RNF220: variants seen among roughly 807,000 people sequenced by gnomAD.
RNF220 encodes E3 ubiquitin-protein ligase RNF220.
In RNF220, 7 loss-of-function variants were observed where a neutral mutation model predicts 67.1. The observed-to-expected ratio is 0.10, with a 90% CI of 0.06 to 0.20. RNF220 has a LOEUF of 0.20. Among genes scored for constraint, RNF220 ranks in the 10% least tolerant of loss-of-function variants. The pLI is 1.00. For missense variants in RNF220, 565 were observed against 740.3 expected (o/e 0.76, Z 2.75); for synonymous variants, 270 against 283.2 (o/e 0.95, Z 0.47).
intron 2 of RNF220, among the ~76,000 whole-genome samples, chr1:44,516,022 G>A (rs1208663299): frequency 6.6e-6 from 1 of 152,194 alleles, no homozygotes; most frequent in Non-Finnish European, 1.5e-5. Flanking sequence ...TCCCTTGAAT[G>A]TGATCTTAGC....
intron 2 of RNF220, among the ~76,000 whole-genome samples, chr1:44,563,411 G>A (rs1430520013): frequency 2.0e-5 from 3 of 152,172 alleles, no homozygotes; most frequent in Admixed American, 6.5e-5. Context: ...AGGGGGCCCC[G>A]CTTCCCTCCC....
At chr1:44,486,305 C>G (rs1008469419) in intron 2 of RNF220, among the ~76,000 whole-genome samples, 2 of 152,192 alleles carry the variant, frequency 1.3e-5, no homozygotes, top group African/African-American at 4.8e-5. Flanking sequence ...GCTGAGAGAG[C>G]TCAGAGGCTC....
chr1:44,573,345 A>G (rs1409603455), intron 2 of RNF220, among the ~76,000 whole-genome samples: 1 of 152,186 alleles, frequency 6.6e-6, no homozygotes, highest in African/African-American at 2.4e-5. Context: ...GGCCCTGCCC[A>G]TGGAATGCTG....
chr1:44,580,645 G>A (rs1390757105), intron 2 of RNF220, among the ~76,000 whole-genome samples: 1 of 152,238 alleles, frequency 6.6e-6, no homozygotes, highest in Non-Finnish European at 1.5e-5. Context: ...GGAGGTGTTT[G>A]GGCAGGCCAC....
intron 2 of RNF220, among the ~76,000 whole-genome samples, chr1:44,451,556 A>G (rs1000458553): frequency 1.3e-5 from 2 of 151,934 alleles, no homozygotes; most frequent in African/African-American, 4.8e-5. Context: ...TTCCTGGTCT[A>G]TTGCTGGTCT....
intron 2 of RNF220, among the ~76,000 whole-genome samples, chr1:44,597,824 C>T (rs1320911388): frequency 6.6e-6 from 1 of 152,142 alleles, no homozygotes; most frequent in Admixed American, 6.5e-5. Flanking sequence ...GTACACGCCT[C>T]CTCTTCCCGG....
At chr1:44,562,672 T>C (rs559589775) in intron 2 of RNF220, among the ~76,000 whole-genome samples, 1 of 152,168 alleles carries the variant, frequency 6.6e-6, no homozygotes, top group Admixed American at 6.5e-5. Context: ...CTGGAGGAAA[T>C]TGGAGCATGC....
chr1:44,478,735 G>A (rs1655515169), intron 2 of RNF220, among the ~76,000 whole-genome samples: 1 of 151,958 alleles, frequency 6.6e-6, no homozygotes. Flanking sequence ...AAAAAAGAGA[G>A]AGAGAGAAAT....
intron 2 of RNF220, among the ~76,000 whole-genome samples, chr1:44,613,127 G>A (rs1354802442): frequency 1.3e-5 from 2 of 149,722 alleles, no homozygotes; most frequent in African/African-American, 2.5e-5. Flanking sequence ...AGCATCCATG[G>A]ATATGCAGGG....
At chr1:44,407,575 G>C (rs376749174) in intron 1 of RNF220, among the ~76,000 whole-genome samples, 2 of 152,112 alleles carry the variant, frequency 1.3e-5, no homozygotes, top group African/African-American at 4.8e-5. Flanking sequence ...GGGCGGCGCC[G>C]CGTCGCGCCG....
intron 2 of RNF220, among the ~76,000 whole-genome samples, chr1:44,502,746 G>T (rs892924154): frequency 6.9e-6 from 1 of 144,116 alleles, no homozygotes; most frequent in Non-Finnish European, 1.5e-5. Context: ...AAAAACGTGT[G>T]AATTATTATT....
At chr1:44,545,813 A>G (rs949908028) in intron 2 of RNF220, among the ~76,000 whole-genome samples, 2 of 151,212 alleles carry the variant, frequency 1.3e-5, no homozygotes, top group Non-Finnish European at 2.9e-5. Flanking sequence ...CTGGAGTGCA[A>G]TGGCGCAAAC....
intron 2 of RNF220, among the ~76,000 whole-genome samples, chr1:44,434,525 G>A (rs1277683242): frequency 6.6e-6 from 1 of 151,928 alleles, no homozygotes; most frequent in Non-Finnish European, 1.5e-5. Context: ...TGGCTAACAC[G>A]GTGAAACCAC....
chr1:44,559,959 T>G (rs1196015924), intron 2 of RNF220, among the ~76,000 whole-genome samples: 1 of 152,204 alleles, frequency 6.6e-6, no homozygotes, highest in African/African-American at 2.4e-5. Flanking sequence ...AGCTGAGCCT[T>G]GCCAAGGGCC....
rs966054014 is a variant in RNF220 at position 44,645,618 on chromosome 1, A to G, written c.1445+130A>G. On this transcript the variant is annotated intron_variant, in intron 12 of 14. Transcript: ENST00000361799. The surrounding 1 kb of genome is among the most constrained non-coding windows in gnomAD (Gnocchi z 5.0). Reference sequence around the variant, plus strand: ...GCAGCTCAGTGCTGCTGCCCTGGGCACACGGCCGGCAGTGGAGCCCAGCTG... The same window carrying G: ...GCAGCTCAGTGCTGCTGCCCTGGGCGCACGGCCGGCAGTGGAGCCCAGCTG... 7 of 884,078 alleles carry G rather than the reference A, an allele frequency of 7.9e-6. No homozygotes were observed. In the African/African-American group the frequency reaches 1.0e-4, roughly 13 times the overall value. 54.8% of individuals were successfully genotyped at this position (884,078 alleles called of 1,614,324 possible). A position where few individuals can be genotyped will look rare whatever the true frequency, so the allele number is the denominator to read the frequency against.
At position 44,617,453 on chromosome 1, in the gene RNF220, G is replaced by A. The variant is rs531858468; in HGVS notation, c.758+3156G>A. The stretch of plus-strand genomic sequence containing the variant: ...GGATTTTTAATTGGAAAAAATTTGC[G>A]AATTAATTGATTTCAGGAACTTGCC... On this transcript the variant is annotated intron_variant, in intron 3 of 14. Transcript: ENST00000361799. Among the ~76,000 whole-genome samples, 3 of 152,362 alleles carry A rather than the reference G, an allele frequency of 2.0e-5. No individual in the cohort carries two copies. The East Asian group carries it at 5.8e-4, about 29-fold the overall frequency.
rs1643774179 is a variant in RNF220, at chr1:44,621,087, T to C, written c.759-1655T>C. 6.6e-6 allele frequency among the ~76,000 whole-genome samples: 1 copy of C among 152,172 alleles called. No individual in the cohort carries two copies. Among genetic ancestry groups the C allele is most frequent in the African/African-American group, 2.4e-5 (1 of 41,444 alleles). ...CCTGCCACCACGCCCAGCTAATTTT[T>C]GTATTTTTAGTAGAGACGGGGTTTC... On this transcript the variant is annotated intron_variant, in intron 3 of 14. Transcript: ENST00000361799. This position sits in a 1 kb window ranked among gnomAD's most constrained non-coding sequence, Gnocchi z 4.8.
chr1:44,513,260 C>G (rs893518674), intron 2 of RNF220, among the ~76,000 whole-genome samples: 5 of 152,186 alleles, frequency 3.3e-5, no homozygotes, highest in African/African-American at 1.2e-4. Flanking sequence ...AATAACTTAC[C>G]CAAAAGGGGA....
intron 2 of RNF220, among the ~76,000 whole-genome samples, chr1:44,436,618 T>C (rs1651001694): frequency 6.6e-6 from 1 of 152,144 alleles, no homozygotes; most frequent in African/African-American, 2.4e-5. Flanking sequence ...AAAACATGAT[T>C]TTCTGGTTCA....
Sources: allele counts gnomAD v4.1 joint callset (sites outside exome capture counted in the v4.1 genomes callset), GRCh38; gene constraint gnomAD v4.1.1; non-coding constraint Gnocchi (gnomAD v3.1); transcripts MANE v1.5; gene names NCBI Gene and HGNC (gene_info 2026-07-23, HGNC 2026-07-21).